ADGRF5: variants seen among roughly 807,000 people sequenced by gnomAD.
ADGRF5 encodes the protein adhesion G protein-coupled receptor F5, also known as G-protein coupled receptor 116.
A neutral mutation model predicts 132.3 loss-of-function variants in ADGRF5; 75 were observed. The observed-to-expected ratio is 0.57, with a 90% CI of 0.47 to 0.69. ADGRF5 has a LOEUF of 0.69. Among genes scored for constraint, ADGRF5 ranks in the 30% least tolerant of loss-of-function variants. The pLI, the probability that ADGRF5 is intolerant of heterozygous loss-of-function variation, is 0.00. For missense variants in ADGRF5, 1,516 were observed against 1,630.6 expected (o/e 0.93, Z 1.21); for synonymous variants, 629 against 597.6 (o/e 1.05, Z -0.77).
chr6:46,906,875 C>A (rs1314955421), intron 1 of ADGRF5, 89 bp from the exon 2 acceptor site: 2 of 697,242 alleles, frequency 2.9e-6, no homozygotes, highest in East Asian at 5.3e-5. Context: ...TAAAGGTCAT[C>A]CTACACAAGA....
chr6:46,871,725 A>T lies in ADGRF5; in HGVS notation c.1411+118T>A, dbSNP rs116568987. 1.2e-3 allele frequency: 726 copies of T among 630,204 alleles called. 5 individuals are homozygous for T. The highest frequency in any genetic ancestry group is 0.011 in the African/African-American group (573 of 54,406). 39.0% of individuals were successfully genotyped at this position (630,204 alleles called of 1,614,324 possible). ...TCCCATTGTGTGATTTGCCCTAACC[A>T]CACTCCCTCTCTGTCCATTATTTTG... On this transcript the variant is annotated intron_variant, in intron 11 of 20. Transcript: ENST00000283296.
At chr6:46,895,826 T>A (rs2150871677) in intron 3 of ADGRF5, among the ~76,000 whole-genome samples, 1 of 151,814 alleles carries the variant, frequency 6.6e-6, no homozygotes, top group East Asian at 2.0e-4. Context: ...CATTCCCCCA[T>A]GAAGAGTCCC....
At chr6:46,892,854 G>A in intron 3 of ADGRF5, among the ~76,000 whole-genome samples, 1 of 152,092 alleles carries the variant, frequency 6.6e-6, no homozygotes, top group East Asian at 1.9e-4. Flanking sequence ...TCATCTGTTT[G>A]TTCCTTGATT....
chr6:46,879,103 T>G (rs895258483), intron 9 of ADGRF5, among the ~76,000 whole-genome samples: 1 of 152,076 alleles, frequency 6.6e-6, no homozygotes, highest in African/African-American at 2.4e-5. Flanking sequence ...TACAGTTTAT[T>G]ATATATCAAT....
intron 1 of ADGRF5, among the ~76,000 whole-genome samples, chr6:46,936,274 TC>T (rs376141287): frequency 6.6e-6 from 1 of 152,248 alleles, no homozygotes; most frequent in African/African-American, 2.4e-5. Flanking sequence ...GCTTGAACAC[TC>T]CCGTGCCTGT....
intron 1 of ADGRF5, among the ~76,000 whole-genome samples, chr6:46,907,104 C>T (rs532295339): frequency 1.4e-4 from 22 of 152,248 alleles, no homozygotes; most frequent in African/African-American, 4.3e-4. Flanking sequence ...TATTCATTTT[C>T]GCTACATGCA....
At chr6:46,932,379 C>G (rs1461840880) in intron 1 of ADGRF5, among the ~76,000 whole-genome samples, 1 of 152,034 alleles carries the variant, frequency 6.6e-6, no homozygotes, top group African/African-American at 2.4e-5. Context: ...GTAATTAAAT[C>G]AAGGACAGAT....
At chr6:46,944,403 C>G (rs534081656) in intron 1 of ADGRF5, among the ~76,000 whole-genome samples, 1 of 152,334 alleles carries the variant, frequency 6.6e-6, no homozygotes, top group South Asian at 2.1e-4. Flanking sequence ...CTGACTGGCA[C>G]TAGTCCATGG....
chr6:46,934,516 C>T (rs1469264573), intron 1 of ADGRF5, among the ~76,000 whole-genome samples: 1 of 152,096 alleles, frequency 6.6e-6, no homozygotes, highest in African/African-American at 2.4e-5. Context: ...TAATAGTATG[C>T]CTTGAAGTTT....
At chr6:46,925,598 A>C (rs552219129), upstream of ADGRF5, among the ~76,000 whole-genome samples, 10 of 152,312 alleles carry the variant, frequency 6.6e-5, no homozygotes, top group East Asian at 1.4e-3. Context: ...TCTACTAAAA[A>C]ATACAAAAAT....
intron 1 of ADGRF5, among the ~76,000 whole-genome samples, chr6:46,921,098 C>G (rs558088505): frequency 6.6e-6 from 1 of 152,326 alleles, no homozygotes; most frequent in South Asian, 2.1e-4. Context: ...AACAAGTCGG[C>G]CTGGCCCTGA....
Position 46,897,137 on chromosome 6 carries a change from CAT to C in ADGRF5, c.157+2890_157+2891del, listed in dbSNP as rs141139823. ...ACACATATACACAGACATATGCATGCATATATATACACACACACACACACACA... is the reference window on the plus strand; with the variant it reads ...ACACATATACACAGACATATGCATGCATATATACACACACACACACACACA... On this transcript the variant is annotated intron_variant, in intron 3 of 20. Transcript: ENST00000283296. 2.7e-3 allele frequency among the ~76,000 whole-genome samples: 383 copies of C among 143,798 alleles called. 6 individuals are homozygous for C. The East Asian group carries it at 0.027, about 10-fold the overall frequency. 94.3% of individuals were successfully genotyped at this position (143,798 alleles called of 152,430 possible). A position where few individuals can be genotyped will look rare whatever the true frequency, so the allele number is the denominator to read the frequency against.
intron 2 of ADGRF5, among the ~76,000 whole-genome samples, chr6:46,902,326 C>T (rs1249478132): frequency 6.6e-6 from 1 of 152,188 alleles, no homozygotes; most frequent in Non-Finnish European, 1.5e-5. Context: ...GGGACTCAGA[C>T]AACACAGGAG....
Position 46,869,812 on chromosome 6 carries a change from G to A in ADGRF5, c.1412-720C>T, listed in dbSNP as rs143145340. Among the ~76,000 whole-genome samples the A allele has an allele frequency of 3.9e-5, 6 of 152,274 alleles. No individual in the cohort carries two copies. The East Asian group carries it at 1.2e-3, about 29-fold the overall frequency. ...CCTGCACTGTCAGGTAAACTGGGAT[G>A]TACAGGTACCTTAATTATAACTATA... On this transcript the variant is annotated intron_variant, in intron 11 of 20. Coordinates refer to ENST00000283296, the MANE Select transcript of ADGRF5 (RefSeq NM_001098518.2).
In ADGRF5 at chr6:46,866,945, C is replaced by T. The variant is rs1216724132; in HGVS notation, c.1814G>A (p.Gly605Asp). 1 of 1,607,758 alleles carries T rather than the reference C, an allele frequency of 6.2e-7. No individual in the cohort carries two copies. Among genetic ancestry groups the T allele is most frequent in the Admixed American group, 1.7e-5 (1 of 60,002 alleles). The change falls in exon 13 of 21, where the codon GGT (glycine) becomes GAT (aspartate). Residue 605 changes from glycine (G) to aspartate (D), a missense_variant. Physicochemically the swap from Gly to Asp is moderately conservative, Grantham distance 94 (BLOSUM62 -1). Transcript: ENST00000283296. ...CTTACCAGCAGGAAGGGATGAGGAACCCGTATGGAAAGTAACTTTGTAGTC... is the reference window on the plus strand; with the variant it reads ...CTTACCAGCAGGAAGGGATGAGGAATCCGTATGGAAAGTAACTTTGTAGTC... ...DGDYKVTFHT[G>D]SSSLPAAKEV...
chr6:46,947,305 C>T (rs939144068), intron 1 of ADGRF5, among the ~76,000 whole-genome samples: 5 of 152,120 alleles, frequency 3.3e-5, no homozygotes, highest in African/African-American at 9.7e-5. Context: ...ATACATATTA[C>T]GATAAAGAAA....
In ADGRF5 at chr6:46,921,827, C is replaced by A. The variant is rs1159167645; in HGVS notation, c.-139G>T. On this transcript the variant is annotated 5_prime_UTR_variant, in exon 1 of 21. Coordinates refer to ENST00000283296, the MANE Select transcript of ADGRF5 (RefSeq NM_001098518.2). Reference sequence around the variant, plus strand: ...GGCCTCCTGGGCAGGGGCTCTCACGCCCAGTGGAGGGAGAACCAAGCAAGA... The same window carrying A: ...GGCCTCCTGGGCAGGGGCTCTCACGACCAGTGGAGGGAGAACCAAGCAAGA... 6.6e-6 allele frequency: 1 copy of A among 152,438 alleles called. No individual in the cohort carries two copies. The allele number at this position is 152,438 out of a possible 1,614,324, so 9.4% of individuals were successfully genotyped here.
rs558088367 is a variant in ADGRF5 at position 46,868,798 on chromosome 6, A to T, written c.1621+85T>A. ...AAGTGGTTGGCATAGGCATGTCTCA[A>T]AGAAGACCCTACACAGATGGTAACT... On this transcript the variant is annotated intron_variant, in intron 12 of 20. Transcript: ENST00000283296. 3.2e-4 allele frequency: 269 copies of T among 833,982 alleles called. 1 individual carries two copies. The highest frequency in any genetic ancestry group is 4.8e-4 in the Non-Finnish European group (249 of 517,626). The allele number at this position is 833,982 out of a possible 1,614,324, so 51.7% of individuals were successfully genotyped here.
At chr6:46,862,702 G>GTT (rs1562148328) in intron 15 of ADGRF5, among the ~76,000 whole-genome samples, 186 bp downstream of exon 15, 3 of 34,386 alleles carry the variant, frequency 8.7e-5, no homozygotes, top group African/African-American at 3.2e-4. Flanking sequence ...TTGAATTGAG[G>GTT]CTTTTTTTTT....
Sources: gnomAD v4.1 joint callset for allele counts (sites outside exome capture counted in the v4.1 genomes callset) on GRCh38, gnomAD v4.1.1 for gene constraint, MANE v1.5 for transcripts, NCBI Gene and HGNC (gene_info 2026-07-23, HGNC 2026-07-21) for gene names.